RUBCN: variants seen among roughly 807,000 people sequenced by gnomAD.
The protein encoded by RUBCN is rubicon autophagy regulator.
A neutral mutation model predicts 113.2 loss-of-function variants in RUBCN; 74 were observed. The ratio of observed to expected loss-of-function variants is 0.65; its 90% CI spans 0.54 to 0.79. RUBCN has a LOEUF of 0.79. Ranked by LOEUF, RUBCN falls within the 30% of genes least tolerant of loss-of-function variation. RUBCN has a pLI of 0.00. For missense variants in RUBCN, 1,109 were observed against 1,251.7 expected, an observed-to-expected ratio of 0.89 and a Z score of 1.72; for synonymous variants, 480 against 490.0, an observed-to-expected ratio of 0.98 and a Z score of 0.27.
rs771449989 is a variant in RUBCN at position 197,703,621 on chromosome 3, G to A, written c.497C>T (p.Thr166Met). ...TGCTTCCAGGCACTGCAGCATGGCC[G>A]TGACATGAGCGTCACTTAGCAGGAA... ...AAFLLSDAHV[T>M]AMLQCLEAVE... is the part of the protein sequence containing the mutation. The change falls in exon 5 of 20, where the codon ACG becomes ATG. Residue 166 changes from threonine to methionine, a missense_variant. Coordinates refer to ENST00000296343, the MANE Select transcript of RUBCN (RefSeq NM_014687.4). 69 of 1,613,736 alleles carry A rather than the reference G, an allele frequency of 4.3e-5. No homozygotes were observed. The highest frequency in any genetic ancestry group is 3.3e-4 in the Middle Eastern group (2 of 6,084).
chr3:197,708,746 C>A (rs1003573260), intron 2 of RUBCN, among the ~76,000 whole-genome samples: 6 of 152,082 alleles, frequency 3.9e-5, no homozygotes, highest in African/African-American at 1.4e-4. Flanking sequence ...CAAACCTATT[C>A]CTGTCAGTTG....
chr3:197,736,802 C>T lies in RUBCN; in HGVS notation c.-83G>A, dbSNP rs543734489. 63 of 1,464,380 alleles carry T rather than the reference C, an allele frequency of 4.3e-5. No individual in the cohort carries two copies. In the South Asian group the frequency reaches 7.7e-4, roughly 18 times the overall value. The allele number at this position is 1,464,380 out of a possible 1,614,324, so 90.7% of individuals were successfully genotyped here. A position where few individuals can be genotyped will look rare whatever the true frequency, so the allele number is the denominator to read the frequency against. On this transcript the variant is annotated 5_prime_UTR_variant, in exon 1 of 20. Transcript: ENST00000296343. The stretch of plus-strand genomic sequence containing the variant: ...CAGGGCTCCCGGGGCCCCCTGGGGC[C>T]GGAGGAGGCACCTGCGGCCGGTGGG...
upstream of RUBCN, chr3:197,737,060 GCTC>G (rs1728237291): frequency 1.7e-6 from 1 of 588,146 alleles, no homozygotes; most frequent in Non-Finnish European, 2.3e-6. Context: ...ATCCCAGGCC[GCTC>G]CCGCAGGCCG....
chr3:197,729,500 G>A (rs376292736), intron 1 of RUBCN, among the ~76,000 whole-genome samples: 2 of 152,180 alleles, frequency 1.3e-5, no homozygotes, highest in African/African-American at 4.8e-5. Flanking sequence ...TGATCCGCCT[G>A]CCTCGGCCTC....
At position 197,676,975 on chromosome 3, in the gene RUBCN, C is replaced by T. The variant is rs1720512621; in HGVS notation, c.2556G>A (p.Leu852=). Residue 852 remains leucine (L), a synonymous_variant, in exon 18 of 20, where the codon CTG becomes CTA. Coordinates refer to ENST00000296343, the MANE Select transcript of RUBCN (RefSeq NM_014687.4). Reference sequence around the variant, plus strand: ...CCTTCCTGGTCGCAGTCAGGTCATTCAGTGAGTACAGGTGGAGGTCCTCTG... The same window carrying T: ...CCTTCCTGGTCGCAGTCAGGTCATTTAGTGAGTACAGGTGGAGGTCCTCTG... The part of the protein sequence containing the change: ...HLTEDLHLYS[L]NDLTATRKGE... The T allele has an allele frequency of 6.2e-7, 1 of 1,614,066 alleles. No individual in the cohort carries two copies. The highest frequency in any genetic ancestry group is 1.7e-5 in the Admixed American group (1 of 60,008).
At chr3:197,704,061 C>G (rs980637752) in intron 4 of RUBCN, among the ~76,000 whole-genome samples, 4 of 152,174 alleles carry the variant, frequency 2.6e-5, no homozygotes, top group Admixed American at 6.5e-5. Flanking sequence ...TAACATAAAG[C>G]TGGATTGTGT....
chr3:197,730,412 G>A (rs2108996315), intron 1 of RUBCN, among the ~76,000 whole-genome samples: 1 of 152,306 alleles, frequency 6.6e-6, no homozygotes, highest in South Asian at 2.1e-4. Flanking sequence ...CTTTCTTGTT[G>A]CTGGTATTGC....
At position 197,697,147 on chromosome 3, in the gene RUBCN, C is replaced by A. The variant is rs559312388; in HGVS notation, c.1262-98G>T. ...TTCAACACTTAACTGCACCCCTTCC[C>A]AAAGCCCTCCCAAGCAGGAGAGAGG... On this transcript the variant is annotated intron_variant, in intron 7 of 19. Coordinates refer to ENST00000296343, the MANE Select transcript of RUBCN (RefSeq NM_014687.4). 7.1e-6 allele frequency: 5 copies of A among 708,952 alleles called. No homozygotes were observed. The Admixed American group carries it at 9.8e-5, about 14-fold the overall frequency. 43.9% of individuals were successfully genotyped at this position (708,952 alleles called of 1,614,324 possible). A position where few individuals can be genotyped will look rare whatever the true frequency, so the allele number is the denominator to read the frequency against.
rs374697427 is a variant in RUBCN, at chr3:197,736,704, C to T, written c.16G>A (p.Ala6Thr). The T allele has an allele frequency of 5.2e-6, 8 of 1,531,580 alleles. No individual in the cohort carries two copies. In the East Asian group the frequency reaches 7.4e-5, roughly 14 times the overall value. 94.9% of individuals were successfully genotyped at this position (1,531,580 alleles called of 1,614,324 possible). MRPEG[A>T]GMELGGGEER... Reference sequence around the variant, plus strand: ...TCGCCGCCTCCGAGCTCCATTCCCGCGCCCTCCGGCCGCATCCGGGGCGGT... The same window carrying T: ...TCGCCGCCTCCGAGCTCCATTCCCGTGCCCTCCGGCCGCATCCGGGGCGGT... Residue 6 changes from alanine (A) to threonine (T), a missense_variant, in exon 1 of 20, where the codon GCG (alanine) becomes ACG (threonine). By Grantham distance (58) the Ala-to-Thr change is moderately conservative. Transcript: ENST00000296343.
At chr3:197,701,220 G>A (rs188085530) in intron 6 of RUBCN, 74 bp from the exon 7 acceptor site, 129 of 1,302,002 alleles carry the variant, frequency 9.9e-5, no homozygotes, top group Non-Finnish European at 8.9e-5. Context: ...AGGACTGGGT[G>A]ACCAGGACAT....
chr3:197,679,877 C>G (rs1465145853), intron 16 of RUBCN, among the ~76,000 whole-genome samples: 4 of 148,996 alleles, frequency 2.7e-5, no homozygotes, highest in African/African-American at 1.0e-4. Context: ...TGGCTCCAGA[C>G]TGTCCTGTGC....
At chr3:197,684,731 T>C (rs1262417944) in intron 11 of RUBCN, among the ~76,000 whole-genome samples, 5 of 151,668 alleles carry the variant, frequency 3.3e-5, no homozygotes. Context: ...TGTGTGTGTA[T>C]ATATATACAC....
rs578181310 is a variant in RUBCN at position 197,736,686 on chromosome 3, C to T, written c.34G>A (p.Gly12Ser). The T allele has an allele frequency of 2.0e-5, 31 of 1,532,254 alleles. No homozygotes were observed. Among genetic ancestry groups the T allele is most frequent in the Non-Finnish European group, 2.4e-5 (28 of 1,146,078 alleles). 94.9% of individuals were successfully genotyped at this position (1,532,254 alleles called of 1,614,324 possible). Residue 12 changes from glycine to serine, a missense_variant, in exon 1 of 20, where the codon GGC becomes AGC. Transcript: ENST00000296343. ...TCCTCAGGCAGGCGCTCCTCGCCGC[C>T]TCCGAGCTCCATTCCCGCGCCCTCC... ...RPEGAGMELG[G>S]GEERLPEESR...
In RUBCN at chr3:197,675,597, G is replaced by A; in HGVS notation, c.2647-82C>T. ...GGGAGGGTGAACACCGAGGAGGGGA[G>A]TGGTCTACAGGGTTCTGCTGCCCAC... On this transcript the variant is annotated intron_variant, in intron 18 of 19. Transcript: ENST00000296343. The surrounding 1 kb of genome is among the most constrained non-coding windows in gnomAD (Gnocchi z 4.4). The A allele has an allele frequency of 9.5e-7, 1 of 1,052,104 alleles. No individual in the cohort carries two copies. Among genetic ancestry groups the A allele is most frequent in the Admixed American group, 1.7e-5 (1 of 59,028 alleles). 65.2% of individuals were successfully genotyped at this position (1,052,104 alleles called of 1,614,324 possible).
upstream of RUBCN, chr3:197,749,797 T>G: frequency 2.1e-6 from 1 of 476,428 alleles, no homozygotes; most frequent in Non-Finnish European, 3.7e-6. Flanking sequence ...GGGGCCGCTC[T>G]GGTCGCCCGC....
chr3:197,680,248 T>C (rs1319674783), intron 16 of RUBCN, among the ~76,000 whole-genome samples: 1 of 140,984 alleles, frequency 7.1e-6, no homozygotes, highest in African/African-American at 2.7e-5. Flanking sequence ...ACAACTGGCT[T>C]CAGACTGTCC....
Position 197,697,000 on chromosome 3 carries a change from AC to A in RUBCN, c.1310del (p.Gly437ValfsTer66). 1 of 1,610,732 alleles carries A rather than the reference AC, an allele frequency of 6.2e-7. No individual in the cohort carries two copies. Among genetic ancestry groups the A allele is most frequent in the Non-Finnish European group, 8.5e-7 (1 of 1,176,952 alleles). On this transcript the variant is annotated frameshift_variant, in exon 8 of 20. Transcript: ENST00000296343. LOFTEE classifies it high-confidence loss of function. ...AKLRGPLPYS[G>X]QSSEVSTPSS... Reference sequence around the variant, plus strand: ...TGGGTGTGCTGACTTCACTGCTTTGACCAGAGTAGGGCAAAGGGCCTCTCAA... The same window carrying A: ...TGGGTGTGCTGACTTCACTGCTTTGACAGAGTAGGGCAAAGGGCCTCTCAA...
chr3:197,692,525 C>T (rs753856378), intron 11 of RUBCN, among the ~76,000 whole-genome samples: 6 of 151,754 alleles, frequency 4.0e-5, no homozygotes, highest in African/African-American at 1.4e-4. Context: ...GCATCTGAAG[C>T]GGAATTAATT....
chr3:197,706,954 T>A lies in RUBCN; in HGVS notation c.220-1779A>T, dbSNP rs80310612. Reference sequence around the variant, plus strand: ...GTAGTGCGGCAGGGACTCTGGTATCTGGTTGAGTGGATTTTAAGTGGCCAG... The same window carrying A: ...GTAGTGCGGCAGGGACTCTGGTATCAGGTTGAGTGGATTTTAAGTGGCCAG... On this transcript the variant is annotated intron_variant, in intron 2 of 19. Coordinates refer to ENST00000296343, the MANE Select transcript of RUBCN (RefSeq NM_014687.4). Among the ~76,000 whole-genome samples, 226 of 152,296 alleles carry A rather than the reference T, an allele frequency of 1.5e-3. 2 individuals carry two copies. Among genetic ancestry groups the A allele is most frequent in the Admixed American group, 4.6e-3 (70 of 15,304 alleles).
Sources: gnomAD v4.1 joint callset for allele counts (sites outside exome capture counted in the v4.1 genomes callset) on GRCh38, gnomAD v4.1.1 for gene constraint, Gnocchi (gnomAD v3.1) non-coding constraint, MANE v1.5 for transcripts, NCBI Gene and HGNC (gene_info 2026-07-23, HGNC 2026-07-21) for gene names.